Variants in VPS11 observed in about 807,000 individuals in gnomAD.
The protein encoded by VPS11 is vacuolar protein sorting-associated protein 11 homolog.
In VPS11, 51 loss-of-function variants were observed where a neutral mutation model predicts 106.8. The observed-to-expected ratio is 0.48, with a 90% CI of 0.38 to 0.60. The LOEUF (loss-of-function observed/expected upper bound fraction) is 0.60. Among genes scored for constraint, VPS11 ranks in the 20% least tolerant of loss-of-function variants. The pLI is 0.00. For missense variants in VPS11, 950 were observed against 1,190.0 expected, an observed-to-expected ratio of 0.80 and a Z score of 2.97; for synonymous variants, 453 against 458.7, an observed-to-expected ratio of 0.99 and a Z score of 0.16.
In VPS11 at chr11:119,069,501, C is replaced by G. The variant is rs782371702; in HGVS notation, c.396C>G (p.Phe132Leu). The G allele has an allele frequency of 3.1e-6, 5 of 1,614,014 alleles. No homozygotes were observed. The highest frequency in any genetic ancestry group is 3.4e-6 in the Non-Finnish European group (4 of 1,179,902). Residue 132 changes from phenylalanine (F) to leucine (L), a missense_variant, in exon 3 of 16, where the codon TTC becomes TTG. Around this residue, in one of 3 missense-constraint regions of VPS11, gnomAD observed 435 missense variants for 630.2 expected, o/e 0.69. Transcript: ENST00000621676. ...GCAATCCACTCTGCACTCGAATCTT[C>G]CCTGCTATTCCAGGAACAGAGCCAA... ...DGGNPLCTRI[F>L]PAIPGTEPTV...
Position 119,069,324 on chromosome 11 carries a change from G to A in VPS11, c.316G>A (p.Glu106Lys), listed in dbSNP as rs781971134. The change falls in exon 2 of 16, where the codon GAA (glutamate) becomes AAA (lysine). Residue 106 changes from glutamate (E) to lysine (K), a missense_variant. Physicochemically the swap from Glu to Lys is moderately conservative, Grantham distance 56 (BLOSUM62 1). Around this residue, in one of 3 missense-constraint regions of VPS11, gnomAD observed 435 missense variants for 630.2 expected, o/e 0.69. Coordinates refer to ENST00000621676, the MANE Select transcript of VPS11 (RefSeq NM_021729.6). ...HNILASVGED[E>K]EGINPLVKIW... Reference sequence around the variant, plus strand: ...TATTCTGGCATCTGTTGGAGAAGATGAAGAGGGCATCAACCCCTTGGTGAG... The same window carrying A: ...TATTCTGGCATCTGTTGGAGAAGATAAAGAGGGCATCAACCCCTTGGTGAG... The A allele has an allele frequency of 1.2e-6, 2 of 1,614,028 alleles. No homozygotes were observed. The highest frequency in any genetic ancestry group is 1.7e-6 in the Non-Finnish European group (2 of 1,179,904).
chr11:119,079,014 A>C lies in VPS11; in HGVS notation c.2266+17A>C. 6.2e-7 allele frequency: 1 copy of C among 1,613,572 alleles called. No individual in the cohort carries two copies. The highest frequency in any genetic ancestry group is 1.1e-5 in the South Asian group (1 of 91,082). ...CTCTTCTAGGTACTTGGGAAGACAG[A>C]TGGGTGGGTGACAAGCTGCTGACAG... On this transcript the variant is annotated intron_variant, in intron 13 of 15. Coordinates refer to ENST00000621676, the MANE Select transcript of VPS11 (RefSeq NM_021729.6).
At chr11:119,075,430 C>A (rs576678825) in intron 7 of VPS11, among the ~76,000 whole-genome samples, 2 of 151,068 alleles carry the variant, frequency 1.3e-5, no homozygotes, top group African/African-American at 4.9e-5. Context: ...TATGGCTGGG[C>A]GCCGTGGCTC....
At chr11:119,068,871 C>T (rs1193518792) in intron 1 of VPS11, among the ~76,000 whole-genome samples, 4 of 152,078 alleles carry the variant, frequency 2.6e-5, no homozygotes, top group Admixed American at 1.3e-4. Flanking sequence ...CCTGCCTCAA[C>T]CTCCTGAGTA....
chr11:119,071,516 A>G (rs1047242357), intron 4 of VPS11, 80 bp from the exon 5 acceptor site: 2 of 1,541,802 alleles, frequency 1.3e-6, no homozygotes, highest in Non-Finnish European at 1.8e-6. Flanking sequence ...AAGAGCCAGT[A>G]TGGAGATGGG....
chr11:119,067,818 G>A lies in VPS11; in HGVS notation c.-6G>A, dbSNP rs2133638779. On this transcript the variant is annotated 5_prime_UTR_variant, in exon 1 of 16. Transcript: ENST00000621676. ...AAGCTCCCGGAGGTGGGAGCCCTGG[G>A]CCAAAATGGCGGCCTACCTGCAGTG... The A allele has an allele frequency of 2.6e-6, 4 of 1,538,192 alleles. No homozygotes were observed. The highest frequency in any genetic ancestry group is 3.5e-6 in the Non-Finnish European group (4 of 1,138,232).
At chr11:119,071,956 G>A in intron 5 of VPS11, 113 bp downstream of exon 5, 1 of 1,366,044 alleles carries the variant, frequency 7.3e-7, no homozygotes, top group Non-Finnish European at 9.9e-7. Context: ...CTACTCCGGT[G>A]TTATGTAGGT....
Position 119,081,450 on chromosome 11 carries a change from C to G in VPS11, c.2662-9C>G. 1 of 1,613,998 alleles carries G rather than the reference C, an allele frequency of 6.2e-7. No homozygotes were observed. The highest frequency in any genetic ancestry group is 8.5e-7 in the Non-Finnish European group (1 of 1,179,884). ...TGATTCGTATTCCTTCCCTCCTCTTCTCCTGCAGCTCAAGTGCTCCAATGA... is the reference window on the plus strand; with the variant it reads ...TGATTCGTATTCCTTCCCTCCTCTTGTCCTGCAGCTCAAGTGCTCCAATGA... On this transcript the variant is annotated splice_polypyrimidine_tract_variant and intron_variant, in intron 15 of 15. Coordinates refer to ENST00000621676, the MANE Select transcript of VPS11 (RefSeq NM_021729.6).
rs1945395093 is a variant in VPS11 at position 119,071,611 on chromosome 11, G to A, written c.652G>A (p.Gly218Arg). The change falls in exon 5 of 16, where the codon GGA (glycine) becomes AGA (arginine). Residue 218 changes from glycine to arginine, a missense_variant. Coordinates refer to ENST00000621676, the MANE Select transcript of VPS11 (RefSeq NM_021729.6). ...CTTCTGGCAGTCCTATATAGTTTCTGGAAAAGACTACCCTCGCGTGGAGTT... is the reference window on the plus strand; with the variant it reads ...CTTCTGGCAGTCCTATATAGTTTCTAGAAAAGACTACCCTCGCGTGGAGTT... The part of the protein sequence containing the change: ...TENVQSYIVS[G>R]KDYPRVELDT... 6.2e-7 allele frequency: 1 copy of A among 1,613,870 alleles called. No individual in the cohort carries two copies. The highest frequency in any genetic ancestry group is 1.3e-5 in the African/African-American group (1 of 74,920).
chr11:119,073,082 G>A (rs1328319377), intron 5 of VPS11, 116 bp from the exon 6 acceptor site: 26 of 1,173,022 alleles, frequency 2.2e-5, no homozygotes, highest in African/African-American at 3.0e-5. Flanking sequence ...GGATGAGAGG[G>A]ACCAGAGAGG....
At chr11:119,069,600 C>T in intron 3 of VPS11, 23 bp downstream of exon 3, 1 of 1,613,864 alleles carries the variant, frequency 6.2e-7, no homozygotes, top group Non-Finnish European at 8.5e-7. Context: ...CAAAACTAAC[C>T]CTCCTAGATT....
chr11:119,073,234 C>A lies in VPS11; in HGVS notation c.921C>A (p.Asp307Glu), dbSNP rs781847667. ...CCAGCAGGGATTCACAGAGCTCCGA[C>A]AAGCAGATTCTAAACATCTATGACC... The part of the protein sequence containing the change: ...EFTSRDSQSS[D>E]KQILNIYDLC... Residue 307 changes from aspartate (D) to glutamate (E), a missense_variant, in exon 6 of 16, where the codon GAC becomes GAA. By Grantham distance (45) the Asp-to-Glu change is conservative. Coordinates refer to ENST00000621676, the MANE Select transcript of VPS11 (RefSeq NM_021729.6). 6.2e-6 allele frequency: 10 copies of A among 1,613,670 alleles called. No homozygotes were observed. Among genetic ancestry groups the A allele is most frequent in the African/African-American group, 1.3e-5 (1 of 74,944 alleles).
At chr11:119,075,264 CAA>C (rs533933871) in intron 7 of VPS11, among the ~76,000 whole-genome samples, 1 of 144,278 alleles carries the variant, frequency 6.9e-6, no homozygotes, top group South Asian at 2.2e-4. Context: ...AGGACTGTCT[CAA>C]AAAAAAAAAG....
chr11:119,078,973 A>G lies in VPS11; in HGVS notation c.2242A>G (p.Lys748Glu). 1.9e-6 allele frequency: 3 copies of G among 1,614,050 alleles called. No individual in the cohort carries two copies. Among genetic ancestry groups the G allele is most frequent in the Non-Finnish European group, 2.5e-6 (3 of 1,179,898 alleles). The change falls in exon 13 of 16, where the codon AAG becomes GAG. Residue 748 changes from lysine to glutamate, a missense_variant. By Grantham distance (56) the Lys-to-Glu change is moderately conservative (BLOSUM62 1). Coordinates refer to ENST00000621676, the MANE Select transcript of VPS11 (RefSeq NM_021729.6). The part of the protein sequence containing the change: ...VAAVLKHIEN[K>E]NLMPPLLVVQ... Reference sequence around the variant, plus strand: ...AGCTGTCCTCAAGCATATCGAGAACAAGAACCTCATGCCACCTCTTCTAGG... The same window carrying G: ...AGCTGTCCTCAAGCATATCGAGAACGAGAACCTCATGCCACCTCTTCTAGG...
At position 119,067,837 on chromosome 11, in the gene VPS11, T is replaced by G. The variant is rs1945176586; in HGVS notation, c.14T>G (p.Leu5Arg). 1 of 1,549,984 alleles carries G rather than the reference T, an allele frequency of 6.5e-7. No homozygotes were observed. The highest frequency in any genetic ancestry group is 8.7e-7 in the Non-Finnish European group (1 of 1,145,258). The change falls in exon 1 of 16, where the codon CTG (leucine) becomes CGG (arginine). Residue 5 changes from leucine to arginine, a missense_variant. Physicochemically the swap from Leu to Arg is moderately radical, Grantham distance 102. This residue lies in a region of VPS11 where 62 missense variants were observed against 45.1 expected (regional missense o/e 1.37). Coordinates refer to ENST00000621676, the MANE Select transcript of VPS11 (RefSeq NM_021729.6). ...CCCTGGGCCAAAATGGCGGCCTACC[T>G]GCAGTGGCGGCGCTTCGTTTTCTTC... MAAYLQWRRFVFFDK... is the reference protein window; with the variant it reads MAAYRQWRRFVFFDK...
chr11:119,068,386 C>T (rs1358490112), intron 1 of VPS11, among the ~76,000 whole-genome samples: 3 of 151,588 alleles, frequency 2.0e-5, no homozygotes, highest in African/African-American at 4.9e-5. Context: ...GGTAAATGAG[C>T]CTAGCGGTTT....
At position 119,078,607 on chromosome 11, in the gene VPS11, A is replaced by G; in HGVS notation, c.1966A>G (p.Ser656Gly). 1 of 1,613,730 alleles carries G rather than the reference A, an allele frequency of 6.2e-7. No homozygotes were observed. Among genetic ancestry groups the G allele is most frequent in the Non-Finnish European group, 8.5e-7 (1 of 1,179,674 alleles). ...LHAEAISLLK[S>G]GRFCDVFDKA... Reference sequence around the variant, plus strand: ...CGCAGAGGCCATTTCCCTGCTGAAGAGTGGTCGCTTCTGCGACGTCTTTGA... The same window carrying G: ...CGCAGAGGCCATTTCCCTGCTGAAGGGTGGTCGCTTCTGCGACGTCTTTGA... Residue 656 changes from serine (S) to glycine (G), a missense_variant, in exon 12 of 16, where the codon AGT (serine) becomes GGT (glycine). Ser to Gly is a moderately conservative substitution (Grantham distance 56, BLOSUM62 0). Around this residue, in one of 3 missense-constraint regions of VPS11, gnomAD observed 453 missense variants for 514.6 expected, o/e 0.88. Transcript: ENST00000621676.
At chr11:119,079,099 G>T in intron 13 of VPS11, 30 bp from the exon 14 acceptor site, 1 of 1,612,212 alleles carries the variant, frequency 6.2e-7, no homozygotes, top group South Asian at 1.1e-5. Context: ...GTGGTTGATT[G>T]TCTTGTTTCC....
chr11:119,068,805 G>A (rs993101393), intron 1 of VPS11, among the ~76,000 whole-genome samples: 13 of 151,598 alleles, frequency 8.6e-5, no homozygotes, highest in Non-Finnish European at 1.5e-4. Flanking sequence ...AGGCTGGAGT[G>A]CAATGGCATG....
Sources: allele counts gnomAD v4.1 joint callset (sites outside exome capture counted in the v4.1 genomes callset), GRCh38; gene constraint gnomAD v4.1.1; regional missense constraint gnomAD v4.1.1; transcripts MANE v1.5; gene names NCBI Gene and HGNC (gene_info 2026-07-23, HGNC 2026-07-21).